Variants in NAALADL2 observed in about 807,000 individuals in gnomAD.
NAALADL2 encodes inactive N-acetylated-alpha-linked acidic dipeptidase-like protein 2.
A neutral mutation model predicts 87.2 loss-of-function variants in NAALADL2; 76 were observed. The observed-to-expected ratio is 0.87, with a 90% confidence interval of 0.72 to 1.05. The LOEUF is 1.05. Ranked by LOEUF, NAALADL2 falls within the 50% of genes least tolerant of loss-of-function variation. The pLI is 0.00. For missense variants in NAALADL2, 1,089 were observed against 945.8 expected (o/e 1.15, Z -1.99); for synonymous variants, 354 against 331.0 (o/e 1.07, Z -0.75).
At chr3:174,915,587 T>G (rs985764718) in intron 1 of NAALADL2, among the ~76,000 whole-genome samples, 1 of 152,166 alleles carries the variant, frequency 6.6e-6, no homozygotes, top group Non-Finnish European at 1.5e-5. Flanking sequence ...TATTCAGATT[T>G]ATTTATTATA....
intron 2 of NAALADL2, among the ~76,000 whole-genome samples, chr3:174,628,728 C>CT (rs1205678749): frequency 1.1e-4 from 16 of 152,178 alleles, no homozygotes; most frequent in Non-Finnish European, 2.1e-4. Flanking sequence ...GAGTTAACCA[C>CT]TTTTTTTGTG....
Position 175,467,027 on chromosome 3 carries a change from A to G in NAALADL2, c.1376A>G (p.Asn459Ser). Residue 459 changes from asparagine (N) to serine (S), a missense_variant, in exon 8 of 14, where the codon AAT (asparagine) becomes AGT (serine). Asn to Ser is a conservative substitution (Grantham distance 46, BLOSUM62 1). Transcript: ENST00000454872. ...CATCATCACACTGCACACAGTTATA[A>G]TGGACAAGAATGGGCCAGTAGTACT... The part of the protein sequence containing the change: ...GSHHHTAHSY[N>S]GQEWASSTAI... 6.2e-7 allele frequency: 1 copy of G among 1,613,882 alleles called. No individual in the cohort carries two copies. Among genetic ancestry groups the G allele is most frequent in the Non-Finnish European group, 8.5e-7 (1 of 1,179,806 alleles).
At chr3:174,971,022 T>C (rs972020866) in intron 1 of NAALADL2, among the ~76,000 whole-genome samples, 11 of 151,786 alleles carry the variant, frequency 7.2e-5, no homozygotes, top group Non-Finnish European at 1.3e-4. Flanking sequence ...TGGTGGGAGG[T>C]GAAAGGCATT....
intron 5 of NAALADL2, among the ~76,000 whole-genome samples, chr3:175,360,836 G>T (rs1433099353): frequency 6.6e-6 from 1 of 150,756 alleles, no homozygotes; most frequent in Non-Finnish European, 1.5e-5. Context: ...ATGTGTGTGT[G>T]TGTGTGTGTG....
In NAALADL2 at chr3:175,060,464, C is replaced by T. The variant is rs571823074; in HGVS notation, c.44-36326C>T. On this transcript the variant is annotated intron_variant, in intron 1 of 13. Coordinates refer to ENST00000454872, the MANE Select transcript of NAALADL2 (RefSeq NM_207015.3). ...CACAAATGGCAAGTGCTACATTTGACGGATAGGCATTGTTTTAAATATTTT... is the reference window on the plus strand; with the variant it reads ...CACAAATGGCAAGTGCTACATTTGATGGATAGGCATTGTTTTAAATATTTT... Among the ~76,000 whole-genome samples the T allele has an allele frequency of 3.3e-5, 5 of 152,280 alleles. No individual in the cohort carries two copies. The South Asian group carries it at 8.3e-4, about 25-fold the overall frequency.
intron 2 of NAALADL2, among the ~76,000 whole-genome samples, chr3:175,151,971 G>A (rs796239382): frequency 2.4e-4 from 37 of 152,212 alleles, no homozygotes; most frequent in African/African-American, 8.9e-4. Flanking sequence ...GTCTACTATA[G>A]TAATGCCATT....
chr3:175,097,263 C>T lies in NAALADL2; in HGVS notation c.517C>T (p.Gln173Ter). The change falls in exon 2 of 14, where the codon CAG (glutamine) becomes TAG (stop). Residue 173 changes from glutamine (Q) to a stop codon, truncating the protein, a stop_gained. Transcript: ENST00000454872. LOFTEE classifies it high-confidence loss of function. Reference protein sequence around the residue: ...QLYQEILKTIQAEDIKKSFRN... With the variant: ...QLYQEILKTI Reference sequence around the variant, plus strand: ...ATATCAAGAGATTCTCAAGACAATCCAGGCAGAAGATATTAAGAAGTCTTT... The same window carrying T: ...ATATCAAGAGATTCTCAAGACAATCTAGGCAGAAGATATTAAGAAGTCTTT... 1.2e-6 allele frequency: 2 copies of T among 1,610,918 alleles called. No homozygotes were observed. The highest frequency in any genetic ancestry group is 1.7e-6 in the Non-Finnish European group (2 of 1,178,336).
intron 2 of NAALADL2, among the ~76,000 whole-genome samples, chr3:174,670,313 C>T (rs1391016382): frequency 1.3e-5 from 2 of 151,944 alleles, no homozygotes; most frequent in Non-Finnish European, 2.9e-5. Context: ...TTCACATACA[C>T]CCATTATTGT....
At chr3:175,345,579 C>T (rs1187461985) in intron 5 of NAALADL2, among the ~76,000 whole-genome samples, 1 of 152,106 alleles carries the variant, frequency 6.6e-6, no homozygotes, top group Non-Finnish European at 1.5e-5. Context: ...TAAAATGGCA[C>T]TGTTGGTGTT....
At chr3:175,367,180 C>T (rs1298476365) in intron 5 of NAALADL2, among the ~76,000 whole-genome samples, 2 of 151,438 alleles carry the variant, frequency 1.3e-5, no homozygotes, top group Admixed American at 6.6e-5. Context: ...AGATATGCGG[C>T]GTTATTTCTG....
At chr3:174,602,311 T>G (rs1316155469) in intron 2 of NAALADL2, among the ~76,000 whole-genome samples, 1 of 152,022 alleles carries the variant, frequency 6.6e-6, no homozygotes, top group Admixed American at 6.6e-5. Context: ...TCAGTTTTTA[T>G]AGTAGAGAAC....
intron 1 of NAALADL2, among the ~76,000 whole-genome samples, chr3:174,485,392 C>G (rs1339588658): frequency 6.7e-6 from 1 of 148,466 alleles, no homozygotes; most frequent in African/African-American, 2.5e-5. Flanking sequence ...TATTTTGTCA[C>G]CCAGGTATTA....
At chr3:175,308,735 A>T (rs1038515558) in intron 4 of NAALADL2, among the ~76,000 whole-genome samples, 1 of 152,174 alleles carries the variant, frequency 6.6e-6, no homozygotes, top group Non-Finnish European at 1.5e-5. Flanking sequence ...TTGACCTCTG[A>T]TGGGTTTGTA....
intron 4 of NAALADL2, among the ~76,000 whole-genome samples, chr3:175,304,009 A>ATTT (rs547607513): frequency 2.7e-5 from 4 of 146,692 alleles, no homozygotes; most frequent in African/African-American, 9.9e-5. Context: ...TACCATTAGG[A>ATTT]TTTTTTTTTT....
At chr3:174,873,054 T>C (rs946876683) in intron 1 of NAALADL2, among the ~76,000 whole-genome samples, 2 of 152,140 alleles carry the variant, frequency 1.3e-5, no homozygotes, top group African/African-American at 4.8e-5. Flanking sequence ...TAACCTACAA[T>C]GCAGTTAAAT....
intron 12 of NAALADL2, among the ~76,000 whole-genome samples, chr3:175,743,173 G>A (rs972472866): frequency 1.3e-5 from 2 of 151,974 alleles, no homozygotes; most frequent in African/African-American, 4.8e-5. Flanking sequence ...GCTAATTTTT[G>A]TATTTTTAGT....
At chr3:175,038,569 T>G (rs903345914) in intron 1 of NAALADL2, among the ~76,000 whole-genome samples, 1 of 152,184 alleles carries the variant, frequency 6.6e-6, no homozygotes, top group Non-Finnish European at 1.5e-5. Context: ...CTTGTGACTG[T>G]TATTTCAGAA....
chr3:174,740,299 T>A (rs1035609630), intron 3 of NAALADL2, among the ~76,000 whole-genome samples: 1 of 151,880 alleles, frequency 6.6e-6, no homozygotes, highest in Non-Finnish European at 1.5e-5. Flanking sequence ...GGTAGTTAAT[T>A]TTACCTTTCT....
chr3:175,055,152 C>G (rs1711856305), intron 1 of NAALADL2, among the ~76,000 whole-genome samples: 2 of 152,072 alleles, frequency 1.3e-5, no homozygotes, highest in Non-Finnish European at 2.9e-5. Context: ...TTTGGTTCAC[C>G]CAATAAGCTG....
Sources: gnomAD v4.1 joint callset for allele counts (sites outside exome capture counted in the v4.1 genomes callset) on GRCh38, gnomAD v4.1.1 for gene constraint, MANE v1.5 for transcripts, NCBI Gene and HGNC (gene_info 2026-07-23, HGNC 2026-07-21) for gene names.